The following UIMC1 variants were observed in gnomAD, a reference collection of about 807,000 sequenced individuals.
The protein encoded by UIMC1 is BRCA1-A complex subunit RAP80.
In UIMC1, 42 loss-of-function variants were observed where a neutral mutation model predicts 84.9. The ratio of observed to expected loss-of-function variants is 0.49; its 90% CI spans 0.39 to 0.64. The LOEUF is 0.64. Among genes scored for constraint, UIMC1 ranks in the 30% least tolerant of loss-of-function variants. UIMC1 has a pLI of 0.00. For synonymous variants in UIMC1, 281 were observed against 293.0 expected (o/e 0.96, Z 0.42); for missense variants, 825 against 847.6 (o/e 0.97, Z 0.33).
Position 176,905,123 on chromosome 5 carries a change from G to T in UIMC1, c.*159C>A. On this transcript the variant is annotated 3_prime_UTR_variant, in exon 15 of 15. Coordinates refer to ENST00000511320, the MANE Select transcript of UIMC1 (RefSeq NM_001199298.2). ...AACAGAATACACAGTTGTCTGCATA[G>T]ATCATAAAAAACATAAAAACCAGAA... The T allele has an allele frequency of 1.5e-6, 1 of 662,728 alleles. No homozygotes were observed. Among genetic ancestry groups the T allele is most frequent in the Non-Finnish European group, 2.5e-6 (1 of 394,154 alleles). 41.1% of individuals were successfully genotyped at this position (662,728 alleles called of 1,614,324 possible). A position where few individuals can be genotyped will look rare whatever the true frequency, so the allele number is the denominator to read the frequency against.
Position 176,970,759 on chromosome 5 carries a change from T to C in UIMC1, c.340A>G (p.Ile114Val). The change falls in exon 4 of 15, where the codon ATT (isoleucine) becomes GTT (valine). Residue 114 changes from isoleucine to valine, a missense_variant. Transcript: ENST00000511320. ...ATATTTACATTCAGGCTTTCAGCAA[T>C]GGCTTTCCTCAAGAGCTCCTCTTCT... The part of the protein sequence containing the change: ...EEEEELLRKA[I>V]AESLNSCRPS... 1 of 1,614,144 alleles carries C rather than the reference T, an allele frequency of 6.2e-7. No individual in the cohort carries two copies. The highest frequency in any genetic ancestry group is 1.1e-5 in the South Asian group (1 of 91,088).
chr5:176,916,871 A>G (rs1476163712), intron 10 of UIMC1, among the ~76,000 whole-genome samples: 1 of 152,222 alleles, frequency 6.6e-6, no homozygotes, highest in African/African-American at 2.4e-5. Flanking sequence ...ACAATTATCA[A>G]TACTATATAA....
chr5:177,017,545 G>A (rs1000459976), intron 1 of UIMC1, among the ~76,000 whole-genome samples: 3 of 151,874 alleles, frequency 2.0e-5, no homozygotes, highest in African/African-American at 7.3e-5. Flanking sequence ...CTGCCACCAT[G>A]CCTAGCTAAT....
intron 10 of UIMC1, among the ~76,000 whole-genome samples, chr5:176,912,707 G>A (rs1380144748): frequency 7.1e-6 from 1 of 141,320 alleles, no homozygotes; most frequent in South Asian, 2.3e-4. Context: ...GCTCTGTCAC[G>A]CAGGCTGGAA....
chr5:176,907,240 C>A (rs903776366), intron 12 of UIMC1, 63 bp from the exon 13 acceptor site: 3 of 1,453,500 alleles, frequency 2.1e-6, no homozygotes, highest in African/African-American at 1.4e-5. Flanking sequence ...ACAACTTCCA[C>A]AGCCCAGATC....
intron 10 of UIMC1, among the ~76,000 whole-genome samples, chr5:176,920,006 G>T (rs1761502387): frequency 6.6e-6 from 1 of 152,002 alleles, no homozygotes; most frequent in Non-Finnish European, 1.5e-5. Flanking sequence ...AAGTTAGCTG[G>T]GATTTTTGTG....
intron 1 of UIMC1, among the ~76,000 whole-genome samples, chr5:176,998,067 T>C (rs1190977555): frequency 6.6e-6 from 1 of 152,058 alleles, no homozygotes; most frequent in Non-Finnish European, 1.5e-5. Context: ...TACACACTCA[T>C]TTGCGTGATT....
At chr5:176,967,213 G>A (rs1768438101) in intron 6 of UIMC1, among the ~76,000 whole-genome samples, 1 of 151,640 alleles carries the variant, frequency 6.6e-6, no homozygotes, top group Non-Finnish European at 1.5e-5. Flanking sequence ...CTTCCATGTG[G>A]ATGAAATGTC....
chr5:176,992,924 G>A (rs1333961566), intron 1 of UIMC1, among the ~76,000 whole-genome samples: 1 of 152,126 alleles, frequency 6.6e-6, no homozygotes, highest in Non-Finnish European at 1.5e-5. Context: ...GTTGGCTCAC[G>A]CCTGTAATCC....
chr5:177,012,194 C>T (rs1775564706), intron 1 of UIMC1, among the ~76,000 whole-genome samples: 1 of 152,154 alleles, frequency 6.6e-6, no homozygotes, highest in South Asian at 2.1e-4. Context: ...TTGACTTTTC[C>T]ACCTGTTATG....
At chr5:176,969,770 C>T (rs1768917125) in intron 4 of UIMC1, 64 bp from the exon 5 acceptor site, 4 of 1,418,150 alleles carry the variant, frequency 2.8e-6, no homozygotes, top group Non-Finnish European at 3.9e-6. Context: ...TGAAGGGTCA[C>T]AGGAAGGACA....
intron 9 of UIMC1, among the ~76,000 whole-genome samples, chr5:176,950,927 G>A (rs1765809823): frequency 6.6e-6 from 1 of 151,812 alleles, no homozygotes; most frequent in South Asian, 2.1e-4. Flanking sequence ...TCAGAAGTAT[G>A]AACCTGTATC....
At chr5:176,942,469 G>A (rs140339104) in intron 10 of UIMC1, among the ~76,000 whole-genome samples, 13 of 151,658 alleles carry the variant, frequency 8.6e-5, no homozygotes, top group East Asian at 5.9e-4. Flanking sequence ...CAGGCTGGGC[G>A]TGGTGGCTTA....
intron 1 of UIMC1, among the ~76,000 whole-genome samples, chr5:177,022,271 A>G (rs1465170572): frequency 6.6e-6 from 1 of 152,176 alleles, no homozygotes; most frequent in African/African-American, 2.4e-5. Flanking sequence ...GGGAGCTGGC[A>G]CTTGGAACTC....
rs971497177 is a variant in UIMC1, at chr5:176,991,808, T to C, written c.-8-9185A>G. On this transcript the variant is annotated intron_variant, in intron 1 of 14. Transcript: ENST00000511320. Reference sequence around the variant, plus strand: ...TTCGCCGGGCGTGGTGGCAGGCAACTGTAGTCCCATCTACTCGGGAGGCTG... The same window carrying C: ...TTCGCCGGGCGTGGTGGCAGGCAACCGTAGTCCCATCTACTCGGGAGGCTG... Among the ~76,000 whole-genome samples, 7 of 151,950 alleles carry C rather than the reference T, an allele frequency of 4.6e-5. 1 individual carries two copies. The highest frequency in any genetic ancestry group is 1.7e-4 in the African/African-American group (7 of 41,336).
At chr5:176,947,857 G>A (rs558239303) in intron 9 of UIMC1, among the ~76,000 whole-genome samples, 73 of 151,468 alleles carry the variant, frequency 4.8e-4, no homozygotes, top group Non-Finnish European at 9.3e-4. Context: ...TTTCAAAAGA[G>A]GTACTTAGAT....
rs1170191932 is a variant in UIMC1, at chr5:176,961,143, G to A, written c.1201-2989C>T. Among the ~76,000 whole-genome samples the A allele has an allele frequency of 5.0e-5, 4 of 80,364 alleles. 1 individual carries two copies. Among genetic ancestry groups the A allele is most frequent in the African/African-American group, 1.8e-4 (2 of 10,940 alleles). 52.7% of individuals were successfully genotyped at this position (80,364 alleles called of 152,430 possible). ...TGCTCGGCTGCCCAGTCTGGGAAGT[G>A]AGGAGCGTCTCCGCCCGGCCGCCAT... On this transcript the variant is annotated intron_variant, in intron 6 of 14. Coordinates refer to ENST00000511320, the MANE Select transcript of UIMC1 (RefSeq NM_001199298.2).
At chr5:176,988,221 ATGGC>A (rs1236306075) in intron 1 of UIMC1, among the ~76,000 whole-genome samples, 7 of 151,666 alleles carry the variant, frequency 4.6e-5, no homozygotes, top group Non-Finnish European at 8.8e-5. Context: ...ACCCACTCTG[ATGGC>A]TGGCTATTTT....
intron 6 of UIMC1, among the ~76,000 whole-genome samples, chr5:176,959,608 T>C (rs1018657495): frequency 2.1e-5 from 3 of 143,566 alleles, no homozygotes; most frequent in Admixed American, 7.2e-5. Context: ...CCCAGCTACT[T>C]GGGAGGCTGA....
Sources: gnomAD v4.1 joint callset for allele counts (sites outside exome capture counted in the v4.1 genomes callset) on GRCh38, gnomAD v4.1.1 for gene constraint, MANE v1.5 for transcripts, NCBI Gene and HGNC (gene_info 2026-07-23, HGNC 2026-07-21) for gene names.